Variants in CSK observed in about 807,000 individuals in gnomAD.
The protein encoded by CSK is C-terminal Src kinase.
In CSK, 7 loss-of-function variants were observed where a neutral mutation model predicts 62.3. That is an observed-to-expected ratio of 0.11 (90% CI 0.06 to 0.21). The LOEUF is 0.21. CSK is among the 10% of genes least tolerant of loss of function. The pLI is 1.00. For synonymous variants in CSK, 237 were observed against 246.0 expected, an observed-to-expected ratio of 0.96 and a Z score of 0.34; for missense variants, 294 against 613.5, an observed-to-expected ratio of 0.48 and a Z score of 5.50.
At position 74,798,140 on chromosome 15, in the gene CSK, T is replaced by G; in HGVS notation, c.-65-93T>G. 1.4e-6 allele frequency: 1 copy of G among 713,520 alleles called. No individual in the cohort carries two copies. The highest frequency in any genetic ancestry group is 2.8e-5 in the East Asian group (1 of 36,298). 44.2% of individuals were successfully genotyped at this position (713,520 alleles called of 1,614,324 possible). On this transcript the variant is annotated intron_variant, in intron 1 of 12. Coordinates refer to ENST00000220003, the MANE Select transcript of CSK (RefSeq NM_004383.3). The surrounding 1 kb of genome is among the most constrained non-coding windows in gnomAD (Gnocchi z 6.6). Reference sequence around the variant, plus strand: ...GTCAAATCCCAGCGCAGGACACTCTTGGCACCTGTTCATGCCCAGTGAGGA... The same window carrying G: ...GTCAAATCCCAGCGCAGGACACTCTGGGCACCTGTTCATGCCCAGTGAGGA...
chr15:74,796,687 C>T (rs1006471077), intron 1 of CSK, among the ~76,000 whole-genome samples: 4 of 152,050 alleles, frequency 2.6e-5, no homozygotes, highest in African/African-American at 7.2e-5. Context: ...GCACTATACA[C>T]CAAAAAGTGT....
chr15:74,792,599 G>T (rs1472787846), intron 1 of CSK, among the ~76,000 whole-genome samples: 1 of 152,330 alleles, frequency 6.6e-6, no homozygotes, highest in East Asian at 1.9e-4. Flanking sequence ...CCTGACCCCC[G>T]CTGGGTTGTA....
chr15:74,785,755 G>C (rs1456108100), intron 1 of CSK, among the ~76,000 whole-genome samples: 2 of 152,182 alleles, frequency 1.3e-5, no homozygotes, highest in South Asian at 2.1e-4. Context: ...ACCTGGCAAA[G>C]AGGTGGTCTC....
At chr15:74,794,472 G>A (rs1722401638) in intron 1 of CSK, among the ~76,000 whole-genome samples, 3 of 152,174 alleles carry the variant, frequency 2.0e-5, no homozygotes, top group African/African-American at 7.2e-5. Context: ...CAGGTTTCAG[G>A]CTCATCCTCC....
chr15:74,789,571 A>G (rs1313505461), intron 1 of CSK, among the ~76,000 whole-genome samples: 2 of 152,160 alleles, frequency 1.3e-5, no homozygotes, highest in African/African-American at 4.8e-5. Context: ...GGCGGGCCCA[A>G]ATCTGAAACT....
At chr15:74,799,633 C>T (rs996311183) in intron 5 of CSK, 142 bp downstream of exon 5, 1 of 851,062 alleles carries the variant, frequency 1.2e-6, no homozygotes. Flanking sequence ...TGTTTCCTCA[C>T]ACCTTGGTGG....
Position 74,786,002 on chromosome 15 carries a change from C to CTTTTT in CSK, c.-66+3290_-66+3294dup, listed in dbSNP as rs536939856. Among the ~76,000 whole-genome samples, 384 of 73,588 alleles carry CTTTTT rather than the reference C, an allele frequency of 5.2e-3. 26 individuals are homozygous for CTTTTT. The highest frequency in any genetic ancestry group is 0.033 in the Admixed American group (254 of 7,644). The allele number at this position is 73,588 out of a possible 152,430, so 48.3% of individuals were successfully genotyped here. ...AGGCCTCTTCTCTCTCTCTCTCTCT[C>CTTTTT]TTTTTTTTTTTTGTGTGTGTGTGTG... On this transcript the variant is annotated intron_variant, in intron 1 of 12. Transcript: ENST00000220003.
rs143495597 is a variant in CSK at position 74,801,557 on chromosome 15, G to C, written c.849G>C (p.Arg283=). 6.2e-7 allele frequency: 1 copy of C among 1,613,922 alleles called. No homozygotes were observed. The highest frequency in any genetic ancestry group is 2.2e-5 in the East Asian group (1 of 44,882). The change falls in exon 10 of 13, where the codon CGG becomes CGC. Residue 283 remains arginine (R), a synonymous_variant. Transcript: ENST00000220003. ...SLVDYLRSRG[R]SVLGGDCLLK... ...TGGACTACCTGCGGTCTAGGGGTCG[G>C]TCAGTGCTGGGCGGAGACTGTCTCC... is the stretch of plus-strand genomic sequence containing the variant.
chr15:74,786,762 C>A (rs2063527939), intron 1 of CSK, among the ~76,000 whole-genome samples: 1 of 152,110 alleles, frequency 6.6e-6, no homozygotes, highest in South Asian at 2.1e-4. Flanking sequence ...TCCTGGCAAC[C>A]CTGGGCCTAA....
intron 5 of CSK, among the ~76,000 whole-genome samples, chr15:74,800,037 C>T (rs945634126): frequency 6.6e-5 from 10 of 152,192 alleles, no homozygotes; most frequent in African/African-American, 2.4e-4. Flanking sequence ...CCTCTGTATT[C>T]ACTCTTATCT....
At chr15:74,802,302 G>A in intron 12 of CSK, 29 bp from the exon 13 acceptor site, 1 of 1,558,388 alleles carries the variant, frequency 6.4e-7, no homozygotes, top group Non-Finnish European at 8.6e-7. Context: ...CCAGGGCCTG[G>A]ACTGACTCCT....
At chr15:74,793,753 G>GGC (rs1327697701) in intron 1 of CSK, among the ~76,000 whole-genome samples, 2 of 152,200 alleles carry the variant, frequency 1.3e-5, no homozygotes, top group East Asian at 3.9e-4. Flanking sequence ...GCAGTGGGGA[G>GGC]GCGGCGGTGG....
chr15:74,798,973 G>A lies in CSK; in HGVS notation c.242+35G>A, dbSNP rs774922858. The A allele has an allele frequency of 2.7e-6, 4 of 1,472,888 alleles. No individual in the cohort carries two copies. The South Asian group carries it at 5.4e-5, about 20-fold the overall frequency. 91.2% of individuals were successfully genotyped at this position (1,472,888 alleles called of 1,614,324 possible). On this transcript the variant is annotated intron_variant, in intron 4 of 12. Transcript: ENST00000220003. This position sits in a 1 kb window ranked among gnomAD's most constrained non-coding sequence, Gnocchi z 6.6. ...ACGAGGAGGGGTTGGGGAGGGAAGGGGCCTTGGTCCTCCTGAAGGAGCATC... is the reference window on the plus strand; with the variant it reads ...ACGAGGAGGGGTTGGGGAGGGAAGGAGCCTTGGTCCTCCTGAAGGAGCATC...
intron 1 of CSK, among the ~76,000 whole-genome samples, chr15:74,797,026 G>T (rs954722840): frequency 1.3e-5 from 2 of 152,002 alleles, no homozygotes; most frequent in South Asian, 4.1e-4. Flanking sequence ...CTGTAGCCTT[G>T]ACCTCCCCAG....
Position 74,798,280 on chromosome 15 carries a change from G to A in CSK, c.-18G>A, listed in dbSNP as rs780239018. The A allele has an allele frequency of 9.6e-6, 15 of 1,558,980 alleles. No individual in the cohort carries two copies. Among genetic ancestry groups the A allele is most frequent in the African/African-American group, 9.5e-5 (7 of 73,450 alleles). ...GTTGGCTTTACTGTGACTCGGGGAC[G>A]CCAGAGCTCCTGAGAAGATGTCAGC... On this transcript the variant is annotated 5_prime_UTR_variant, in exon 2 of 13. Coordinates refer to ENST00000220003, the MANE Select transcript of CSK (RefSeq NM_004383.3). This position sits in a 1 kb window ranked among gnomAD's most constrained non-coding sequence, Gnocchi z 6.6.
Position 74,800,813 on chromosome 15 carries a change from C to T in CSK, c.623-10C>T, listed in dbSNP as rs746498916. 1.1e-5 allele frequency: 17 copies of T among 1,609,144 alleles called. No homozygotes were observed. Among genetic ancestry groups the T allele is most frequent in the Non-Finnish European group, 1.3e-5 (15 of 1,177,908 alleles). On this transcript the variant is annotated splice_polypyrimidine_tract_variant and intron_variant, in intron 7 of 12. Coordinates refer to ENST00000220003, the MANE Select transcript of CSK (RefSeq NM_004383.3). Reference sequence around the variant, plus strand: ...CGAACTTGGGAACAAGACCACCTCTCTGCCCCCAGACGTGATGCTGGGCGA... The same window carrying T: ...CGAACTTGGGAACAAGACCACCTCTTTGCCCCCAGACGTGATGCTGGGCGA...
intron 1 of CSK, among the ~76,000 whole-genome samples, chr15:74,786,013 T>TTTTTTTTTTTTTTTTTGTGTGTGTCTGTG: frequency 2.1e-5 from 1 of 47,816 alleles, no homozygotes; most frequent in African/African-American, 6.7e-5. Flanking sequence ...TTTTTTTTTT[T>TTTTTTTTTTTTTTTTTGTGTGTGTCTGTG]TGTGTGTGTG....
rs978497723 is a variant in CSK, at chr15:74,800,602, G to T, written c.557-79G>T. 12 of 1,544,240 alleles carry T rather than the reference G, an allele frequency of 7.8e-6. No individual in the cohort carries two copies. The African/African-American group carries it at 1.6e-4, about 21-fold the overall frequency. The stretch of plus-strand genomic sequence containing the variant: ...CCAGGAACCTCCAGAGAACCCCAGT[G>T]CCTGATAGTCCAGTCAGCCTCTGTC... On this transcript the variant is annotated intron_variant, in intron 6 of 12. Coordinates refer to ENST00000220003, the MANE Select transcript of CSK (RefSeq NM_004383.3).
chr15:74,797,664 G>A (rs1417622643), intron 1 of CSK, among the ~76,000 whole-genome samples: 3 of 151,996 alleles, frequency 2.0e-5, no homozygotes, highest in East Asian at 1.9e-4. Context: ...CCTCTGGATC[G>A]GCATCTGGGC....
Sources: allele counts gnomAD v4.1 joint callset (sites outside exome capture counted in the v4.1 genomes callset), GRCh38; gene constraint gnomAD v4.1.1; non-coding constraint Gnocchi (gnomAD v3.1); transcripts MANE v1.5; gene names NCBI Gene and HGNC (gene_info 2026-07-23, HGNC 2026-07-21).